The following GRM5 variants were observed in gnomAD, a reference collection of about 807,000 sequenced individuals.
The protein encoded by GRM5 is glutamate metabotropic receptor 5.
In GRM5, 19 loss-of-function variants were observed where a neutral mutation model predicts 83.1. The ratio of observed to expected loss-of-function variants is 0.23; its 90% CI spans 0.16 to 0.34. The LOEUF (loss-of-function observed/expected upper bound fraction) is 0.34. Among genes scored for constraint, GRM5 ranks in the 10% least tolerant of loss-of-function variants. GRM5 has a pLI of 1.00. For synonymous variants in GRM5, 675 were observed against 633.6 expected, an observed-to-expected ratio of 1.07 and a Z score of -0.98; for missense variants, 1,160 against 1,588.3, an observed-to-expected ratio of 0.73 and a Z score of 4.58.
chr11:89,016,662 C>T (rs1158471667), intron 2 of GRM5, among the ~76,000 whole-genome samples: 1 of 152,076 alleles, frequency 6.6e-6, no homozygotes, highest in Non-Finnish European at 1.5e-5. Flanking sequence ...GCAAGTATAA[C>T]AGTAAGCCAT....
intron 3 of GRM5, among the ~76,000 whole-genome samples, chr11:88,747,545 A>T (rs769733489): frequency 1.1e-4 from 17 of 152,158 alleles, no homozygotes; most frequent in Non-Finnish European, 2.2e-4. Flanking sequence ...GTAAAGTGTA[A>T]GGACTACAAA....
chr11:88,736,934 G>A (rs752115882), intron 3 of GRM5, among the ~76,000 whole-genome samples: 4 of 152,004 alleles, frequency 2.6e-5, no homozygotes, highest in Non-Finnish European at 4.4e-5. Flanking sequence ...CAGGCTTGTC[G>A]CACAGCCTCC....
chr11:88,508,571 C>T lies in GRM5; in HGVS notation c.*21G>A, dbSNP rs1309828009. ...GGGGCTCCGCTCCGCACGCGCAGGC[C>T]GGCGTGCTTTCCAGGGACATTCACA... On this transcript the variant is annotated 3_prime_UTR_variant, in exon 10 of 10. Coordinates refer to ENST00000305447, the MANE Select transcript of GRM5 (RefSeq NM_001143831.3). This position sits in a 1 kb window ranked among gnomAD's most constrained non-coding sequence, Gnocchi z 4.2. 13 of 1,591,090 alleles carry T rather than the reference C, an allele frequency of 8.2e-6. No individual in the cohort carries two copies. Among genetic ancestry groups the T allele is most frequent in the Admixed American group, 5.0e-5 (3 of 59,570 alleles).
chr11:88,833,354 T>A (rs180685487), intron 3 of GRM5, among the ~76,000 whole-genome samples: 115 of 152,068 alleles, frequency 7.6e-4, no homozygotes, highest in East Asian at 2.9e-3. Flanking sequence ...CTCAAAGACG[T>A]ATAAATGGCC....
At chr11:88,534,222 G>T (rs1942081938) in intron 8 of GRM5, among the ~76,000 whole-genome samples, 1 of 152,176 alleles carries the variant, frequency 6.6e-6, no homozygotes, top group Non-Finnish European at 1.5e-5. Flanking sequence ...GTAAGAAGAG[G>T]GCTGCTGTCC....
chr11:88,776,264 CCT>C (rs1024273705), intron 3 of GRM5, among the ~76,000 whole-genome samples: 25 of 151,924 alleles, frequency 1.6e-4, no homozygotes, highest in African/African-American at 5.3e-4. Context: ...GATTGCAACC[CCT>C]GTTTTTTTTG....
At chr11:89,002,266 C>T (rs573702290) in intron 2 of GRM5, among the ~76,000 whole-genome samples, 4 of 152,124 alleles carry the variant, frequency 2.6e-5, no homozygotes, top group Non-Finnish European at 4.4e-5. Context: ...AAAGAGCTAA[C>T]ATGCTTTTAT....
chr11:88,806,576 A>C (rs1464823950), intron 3 of GRM5, among the ~76,000 whole-genome samples: 1 of 152,174 alleles, frequency 6.6e-6, no homozygotes, highest in East Asian at 1.9e-4. Flanking sequence ...AACTGTGAAA[A>C]TAACTAGCTT....
In GRM5 at chr11:89,060,287, C is replaced by T. The variant is rs71469236; in HGVS notation, c.-201+5489G>A. Among the ~76,000 whole-genome samples the T allele has an allele frequency of 3.7e-3, 352 of 96,030 alleles. 1 individual carries two copies. Among genetic ancestry groups the T allele is most frequent in the African/African-American group, 9.7e-3 (311 of 32,018 alleles). The allele number at this position is 96,030 out of a possible 152,430, so 63.0% of individuals were successfully genotyped here. A position where few individuals can be genotyped will look rare whatever the true frequency, so the allele number is the denominator to read the frequency against. ...AATGGTATATATATATATATATATA[C>T]ACACACACACACACACACATATATA... On this transcript the variant is annotated intron_variant, in intron 1 of 9. Coordinates refer to ENST00000305447, the MANE Select transcript of GRM5 (RefSeq NM_001143831.3).
chr11:89,064,907 T>A (rs61903380), intron 1 of GRM5, among the ~76,000 whole-genome samples: 146 of 74,398 alleles, frequency 2.0e-3, no homozygotes, highest in South Asian at 3.3e-3. Flanking sequence ...TGTGTGTGTG[T>A]GTGTGTGTGA....
intron 2 of GRM5, among the ~76,000 whole-genome samples, chr11:88,925,176 C>A (rs1010230738): frequency 1.3e-5 from 2 of 151,982 alleles, no homozygotes; most frequent in Non-Finnish European, 2.9e-5. Flanking sequence ...TCAACAGTGT[C>A]ATGATTTAAA....
intron 3 of GRM5, among the ~76,000 whole-genome samples, chr11:88,694,318 T>C (rs898929038): frequency 6.6e-6 from 1 of 152,210 alleles, no homozygotes; most frequent in African/African-American, 2.4e-5. Flanking sequence ...TTAGGTCTCC[T>C]ATATTGCTAT....
intron 4 of GRM5, among the ~76,000 whole-genome samples, chr11:88,651,557 T>C (rs1373900543): frequency 2.0e-5 from 3 of 152,102 alleles, no homozygotes; most frequent in African/African-American, 4.8e-5. Flanking sequence ...TGTTAAAATA[T>C]GACATTAGCT....
chr11:88,797,827 TA>T (rs35642201), intron 3 of GRM5, among the ~76,000 whole-genome samples: 1,717 of 147,696 alleles, frequency 0.012, 33 homozygotes, highest in African/African-American at 0.039. Context: ...TTGCTGTTGT[TA>T]AAAAAAAAAA....
At chr11:88,872,291 G>T (rs867222036) in intron 2 of GRM5, among the ~76,000 whole-genome samples, 1 of 151,634 alleles carries the variant, frequency 6.6e-6, no homozygotes, top group African/African-American at 2.4e-5. Context: ...AGTGTAATAA[G>T]ATAAATTCAA....
At chr11:88,949,632 A>G (rs1257994973) in intron 2 of GRM5, among the ~76,000 whole-genome samples, 3 of 152,222 alleles carry the variant, frequency 2.0e-5, no homozygotes, top group East Asian at 3.8e-4. Context: ...TGTAAAAATA[A>G]TAACGCATAG....
intron 2 of GRM5, among the ~76,000 whole-genome samples, chr11:89,006,725 A>T (rs1940537703): frequency 6.6e-6 from 1 of 151,986 alleles, no homozygotes; most frequent in African/African-American, 2.4e-5. Flanking sequence ...TATTACCTTT[A>T]CCTTGTCCTT....
chr11:88,941,552 GGAGGAGGA>G (rs1269786163), intron 2 of GRM5, among the ~76,000 whole-genome samples: 6 of 78,578 alleles, frequency 7.6e-5, no homozygotes, highest in African/African-American at 1.6e-4. Context: ...GGAGAGAGGA[GGAGGAGGA>G]GAGGAGGAGA....
At chr11:88,935,118 A>G (rs532185277) in intron 2 of GRM5, among the ~76,000 whole-genome samples, 1 of 152,078 alleles carries the variant, frequency 6.6e-6, no homozygotes, top group South Asian at 2.1e-4. Context: ...TAGGACATAT[A>G]AGGATTTGGT....
Sources: gnomAD v4.1 joint callset for allele counts (sites outside exome capture counted in the v4.1 genomes callset) on GRCh38, gnomAD v4.1.1 for gene constraint, Gnocchi (gnomAD v3.1) non-coding constraint, MANE v1.5 for transcripts, NCBI Gene and HGNC (gene_info 2026-07-23, HGNC 2026-07-21) for gene names.